TTC7A: variants seen among roughly 807,000 people sequenced by gnomAD.
TTC7A encodes tetratricopeptide repeat protein 7A.
A neutral mutation model predicts 103.7 loss-of-function variants in TTC7A; 110 were observed. That is an observed-to-expected ratio of 1.06 (90% confidence interval 0.91 to 1.24). The LOEUF is 1.24. Among genes scored for constraint, TTC7A ranks in the 50% most tolerant of loss-of-function variants. The pLI is 0.00. For synonymous variants in TTC7A, 521 were observed against 467.9 expected (o/e 1.11, Z -1.47); for missense variants, 1,340 against 1,116.3 (o/e 1.20, Z -2.86).
chr2:46,945,916 C>T (rs6714269), intron 1 of TTC7A, among the ~76,000 whole-genome samples: 2,033 of 152,280 alleles, frequency 0.013, 19 homozygotes, highest in South Asian at 0.035. Flanking sequence ...CCACTGTGCC[C>T]GTTTGCCCCA....
chr2:47,037,572 G>A (rs1681249414), intron 15 of TTC7A, among the ~76,000 whole-genome samples: 1 of 152,224 alleles, frequency 6.6e-6, no homozygotes, highest in African/African-American at 2.4e-5. Context: ...GCAGAGGCGA[G>A]AACCCATGCC....
rs1684969642 is a variant in TTC7A at position 47,073,685 on chromosome 2, C to G, written c.2356-17C>G. 2 of 1,613,044 alleles carry G rather than the reference C, an allele frequency of 1.2e-6. No individual in the cohort carries two copies. Among genetic ancestry groups the G allele is most frequent in the Middle Eastern group, 1.7e-4 (1 of 6,056 alleles). On this transcript the variant is annotated splice_polypyrimidine_tract_variant and intron_variant, in intron 19 of 19. Transcript: ENST00000319190. ...ATGGGACACCCCTACTCACCCTGCC[C>G]TGTGCTTCGTCCACAGGGTCTGATG...
chr2:47,009,626 G>A (rs1227240755), intron 10 of TTC7A, among the ~76,000 whole-genome samples: 3 of 152,164 alleles, frequency 2.0e-5, no homozygotes, highest in African/African-American at 7.2e-5. Context: ...GCACCTGCCA[G>A]TTGCTCATAC....
At chr2:46,928,231 A>G (rs773489762) in intron 2 of TTC7A, among the ~76,000 whole-genome samples, 11 of 151,734 alleles carry the variant, frequency 7.2e-5, no homozygotes, top group Non-Finnish European at 1.3e-4. Flanking sequence ...AATTACTACC[A>G]GTTTTGCAGC....
At position 47,011,380 on chromosome 2, in the gene TTC7A, C is replaced by T. The variant is rs114202807; in HGVS notation, c.1337C>T (p.Ser446Leu). The change falls in exon 11 of 20, where the codon TCG (serine) becomes TTG (leucine). Residue 446 changes from serine (S) to leucine (L), a missense_variant. Ser to Leu is a moderately radical substitution (Grantham distance 145, BLOSUM62 -2). Transcript: ENST00000319190. Reference sequence around the variant, plus strand: ...CGGGAGTGTGTGAAGTTGCGGCCCTCGGACCCCACCGTGCCCCTGATGGCC... The same window carrying T: ...CGGGAGTGTGTGAAGTTGCGGCCCTTGGACCCCACCGTGCCCCTGATGGCC... ...LLRECVKLRP[S>L]DPTVPLMAAK... 597 of 1,612,450 alleles carry T rather than the reference C, an allele frequency of 3.7e-4. 1 individual carries two copies. The African/African-American group carries it at 7.1e-3, about 19-fold the overall frequency.
chr2:46,983,950 A>C (rs375772312), intron 5 of TTC7A, among the ~76,000 whole-genome samples: 2 of 152,294 alleles, frequency 1.3e-5, no homozygotes, highest in African/African-American at 4.8e-5. Context: ...GGACAGTTCT[A>C]ATTTCAATAC....
At chr2:47,013,932 C>G (rs576145096) in intron 11 of TTC7A, among the ~76,000 whole-genome samples, 262 of 152,190 alleles carry the variant, frequency 1.7e-3, no homozygotes, top group Middle Eastern at 6.8e-3. Flanking sequence ...ATGGGTGGCC[C>G]GAGAGTGGGC....
intron 2 of TTC7A, among the ~76,000 whole-genome samples, chr2:46,922,875 T>G (rs192470009): frequency 6.6e-6 from 1 of 152,288 alleles, no homozygotes; most frequent in Non-Finnish European, 1.5e-5. Flanking sequence ...GGGTTCAGTT[T>G]TACAAAACAG....
intron 15 of TTC7A, among the ~76,000 whole-genome samples, chr2:47,032,580 A>C (rs188049614): frequency 2.0e-5 from 3 of 151,796 alleles, no homozygotes; most frequent in East Asian, 3.9e-4. Flanking sequence ...GCAACCTGTC[A>C]CTCACCGTAG....
At chr2:46,931,247 T>TA (rs200943196) in intron 2 of TTC7A, among the ~76,000 whole-genome samples, 1 of 152,172 alleles carries the variant, frequency 6.6e-6, no homozygotes, top group African/African-American at 2.4e-5. Context: ...CCTAGCTAAT[T>TA]AAAAAAAATT....
intron 16 of TTC7A, among the ~76,000 whole-genome samples, chr2:47,049,166 C>A (rs1374056488): frequency 6.6e-6 from 1 of 152,292 alleles, no homozygotes; most frequent in East Asian, 1.9e-4. Flanking sequence ...CTCCTCCTCT[C>A]CTGTGCCTTC....
chr2:47,043,822 G>A (rs1448006819), intron 15 of TTC7A, among the ~76,000 whole-genome samples: 2 of 152,130 alleles, frequency 1.3e-5, no homozygotes, highest in African/African-American at 2.4e-5. Context: ...AGCTGCAAAG[G>A]TACAGCCTGC....
chr2:46,974,373 C>A (rs1170902771), intron 3 of TTC7A, among the ~76,000 whole-genome samples: 1 of 152,232 alleles, frequency 6.6e-6, no homozygotes, highest in Non-Finnish European at 1.5e-5. Flanking sequence ...CCGTCACGGG[C>A]AGAGCTAGGT....
chr2:47,027,627 G>T (rs1680055310), intron 14 of TTC7A, among the ~76,000 whole-genome samples: 2 of 152,246 alleles, frequency 1.3e-5, no homozygotes, highest in African/African-American at 2.4e-5. Context: ...CAGCTCTTGT[G>T]TATTCACAAA....
At chr2:47,052,017 C>G in intron 18 of TTC7A, 137 bp downstream of exon 18, 2 of 1,148,788 alleles carry the variant, frequency 1.7e-6, no homozygotes, top group Non-Finnish European at 2.4e-6. Flanking sequence ...GTCCTCGCCT[C>G]TGGCTGTGGG....
intron 1 of TTC7A, among the ~76,000 whole-genome samples, chr2:46,917,008 G>C (rs1668836051): frequency 6.6e-6 from 1 of 151,986 alleles, no homozygotes; most frequent in African/African-American, 2.4e-5. Context: ...AATGAGCCTG[G>C]GTCCGGACAG....
intron 5 of TTC7A, among the ~76,000 whole-genome samples, chr2:46,992,556 G>T (rs1179976793): frequency 2.0e-5 from 3 of 152,182 alleles, no homozygotes; most frequent in African/African-American, 7.2e-5. Flanking sequence ...AAGGTGAGGG[G>T]CAGGCCCCAC....
chr2:47,013,555 C>T (rs1398261965), intron 11 of TTC7A, among the ~76,000 whole-genome samples: 1 of 152,192 alleles, frequency 6.6e-6, no homozygotes, highest in Admixed American at 6.5e-5. Context: ...CTCAAGGCTG[C>T]CAGCTCTGAG....
chr2:47,066,649 C>G (rs553047394), intron 19 of TTC7A, among the ~76,000 whole-genome samples: 1 of 152,314 alleles, frequency 6.6e-6, no homozygotes, highest in South Asian at 2.1e-4. Flanking sequence ...GGTTACTTTC[C>G]TCACTGGGTG....
Sources: allele counts gnomAD v4.1 joint callset (sites outside exome capture counted in the v4.1 genomes callset), GRCh38; gene constraint gnomAD v4.1.1; transcripts MANE v1.5; gene names NCBI Gene and HGNC (gene_info 2026-07-23, HGNC 2026-07-21).